UBAP2L: variants seen among roughly 807,000 people sequenced by gnomAD.
UBAP2L encodes ubiquitin-associated protein 2-like.
Under a neutral mutation model 130.6 loss-of-function variants are expected in UBAP2L, and 12 were observed. That is an observed-to-expected ratio of 0.09 (90% confidence interval 0.06 to 0.15). The LOEUF is 0.15. UBAP2L is among the 10% of genes least tolerant of loss of function. The pLI, the probability that UBAP2L is intolerant of heterozygous loss-of-function variation, is 1.00. For synonymous variants in UBAP2L, 503 were observed against 524.7 expected, an observed-to-expected ratio of 0.96 and a Z score of 0.57; for missense variants, 965 against 1,332.5, an observed-to-expected ratio of 0.72 and a Z score of 4.29.
chr1:154,229,940 C>A (rs183823770), intron 4 of UBAP2L, among the ~76,000 whole-genome samples: 9 of 152,170 alleles, frequency 5.9e-5, no homozygotes, highest in Non-Finnish European at 1.0e-4. Context: ...TCTGCAGCCT[C>A]CACCTCCCAG....
chr1:154,233,037 T>C (rs1472387028), intron 4 of UBAP2L, among the ~76,000 whole-genome samples: 4 of 151,318 alleles, frequency 2.6e-5, no homozygotes, highest in Non-Finnish European at 5.9e-5. Flanking sequence ...TTTTTTGAGA[T>C]GGAGACTCCT....
chr1:154,225,302 C>A (rs1429269114), intron 2 of UBAP2L, 89 bp downstream of exon 2: 2 of 1,448,914 alleles, frequency 1.4e-6, no homozygotes, highest in Non-Finnish European at 1.9e-6. Flanking sequence ...GTGCTTTGAA[C>A]TGTTGGTTTA....
Position 154,270,786 on chromosome 1 carries a change from T to TTTTTGTGTGTG in UBAP2L, c.*491_*492insTTTTGTGTGTG. 8.0e-7 allele frequency: 1 copy of TTTTTGTGTGTG among 1,249,170 alleles called. No homozygotes were observed. Among genetic ancestry groups the TTTTTGTGTGTG allele is most frequent in the Non-Finnish European group, 1.0e-6 (1 of 969,280 alleles). The allele number at this position is 1,249,170 out of a possible 1,614,324, so 77.4% of individuals were successfully genotyped here. ...TTTTTTTTTGTTTTTTTTTTTTTTT[T>TTTTTGTGTGTG]GTACTGTGTCCTCAAATTTAATGGA... On this transcript the variant is annotated 3_prime_UTR_variant, in exon 27 of 27. Coordinates refer to ENST00000428931, the MANE Select transcript of UBAP2L (RefSeq NM_014847.4).
intron 4 of UBAP2L, among the ~76,000 whole-genome samples, chr1:154,230,693 CA>C (rs1174452498): frequency 6.6e-6 from 1 of 152,048 alleles, no homozygotes; most frequent in Admixed American, 6.6e-5. Flanking sequence ...TATACAGTAT[CA>C]AAAAGGAAAA....
intron 2 of UBAP2L, among the ~76,000 whole-genome samples, chr1:154,225,761 A>T (rs1186333828): frequency 6.6e-6 from 1 of 152,086 alleles, no homozygotes; most frequent in Admixed American, 6.6e-5. Context: ...CCCTTCTCTT[A>T]CCTGGGCCAT....
rs1675438504 is a variant in UBAP2L, at chr1:154,246,208, G to A, written c.847G>A (p.Asp283Asn). 1 of 1,606,768 alleles carries A rather than the reference G, an allele frequency of 6.2e-7. No individual in the cohort carries two copies. Among genetic ancestry groups the A allele is most frequent in the Non-Finnish European group, 8.5e-7 (1 of 1,174,692 alleles). Reference sequence around the variant, plus strand: ...ATCCCTTCCCTTCCCCATTAGAATTGACCTTGCTGTTCTGCTGGGGAAGAC... The same window carrying A: ...ATCCCTTCCCTTCCCCATTAGAATTAACCTTGCTGTTCTGCTGGGGAAGAC... ...NVTITAGQRI[D>N]LAVLLGKTPS... Residue 283 changes from aspartate (D) to asparagine (N), a missense_variant, in exon 11 of 27, where the codon GAC becomes AAC. Transcript: ENST00000428931.
At chr1:154,254,582 T>TC in intron 15 of UBAP2L, 1 of 554,776 alleles carries the variant, frequency 1.8e-6, no homozygotes, top group Non-Finnish European at 3.1e-6. Flanking sequence ...TGGGGTGTCT[T>TC]CAACAATTTG....
intron 8 of UBAP2L, among the ~76,000 whole-genome samples, chr1:154,240,213 C>T (rs1039812065): frequency 2.6e-5 from 4 of 152,122 alleles, no homozygotes; most frequent in African/African-American, 7.2e-5. Flanking sequence ...CTTGTCCCTT[C>T]TTCAGACAGG....
intron 24 of UBAP2L, among the ~76,000 whole-genome samples, chr1:154,265,288 G>A (rs976049540): frequency 8.5e-5 from 13 of 152,118 alleles, no homozygotes; most frequent in Non-Finnish European, 1.8e-4. Context: ...GTGAATGGAG[G>A]ATTCCTTATT....
chr1:154,253,057 G>A (rs574997791), intron 14 of UBAP2L, among the ~76,000 whole-genome samples: 1 of 151,982 alleles, frequency 6.6e-6, no homozygotes, highest in Non-Finnish European at 1.5e-5. Flanking sequence ...AGGCTGGAGT[G>A]CAATGGCACG....
At chr1:154,257,744 C>T (rs2148972944) in intron 20 of UBAP2L, 1 of 370,168 alleles carries the variant, frequency 2.7e-6, no homozygotes, top group Admixed American at 4.4e-5. Context: ...GGTTTTTAAT[C>T]TTTGCAGTTT....
chr1:154,267,137 G>A (rs1430961129), intron 25 of UBAP2L, among the ~76,000 whole-genome samples: 1 of 145,664 alleles, frequency 6.9e-6, no homozygotes, highest in Non-Finnish European at 1.5e-5. Flanking sequence ...TATTTCTTTT[G>A]AAATATCCAA....
chr1:154,271,355 A>G (rs1053919339), downstream of UBAP2L: 1 of 187,544 alleles, frequency 5.3e-6, no homozygotes, highest in Middle Eastern at 2.3e-3. Flanking sequence ...AAGACTACAT[A>G]TTGGGTACAG....
intron 18 of UBAP2L, 21 bp from the exon 19 acceptor site, chr1:154,257,042 C>A: frequency 6.2e-7 from 1 of 1,607,026 alleles, no homozygotes; most frequent in South Asian, 1.1e-5. Context: ...CTTCTCTCTT[C>A]CACTGCTCCC....
chr1:154,255,333 T>C lies in UBAP2L; in HGVS notation c.2084+7T>C, dbSNP rs1679273172. ...CCACCACACAACACAGCAGGTGATT[T>C]GGGGTGAGGATGGAGGTTGGGGTTG... On this transcript the variant is annotated splice_region_variant and intron_variant, in intron 17 of 26. Coordinates refer to ENST00000428931, the MANE Select transcript of UBAP2L (RefSeq NM_014847.4). 2 of 1,613,298 alleles carry C rather than the reference T, an allele frequency of 1.2e-6. No individual in the cohort carries two copies. Among genetic ancestry groups the C allele is most frequent in the Non-Finnish European group, 1.7e-6 (2 of 1,179,674 alleles).
chr1:154,240,722 A>G lies in UBAP2L; in HGVS notation c.704-791A>G, dbSNP rs143273728. Among the ~76,000 whole-genome samples, 207 of 151,950 alleles carry G rather than the reference A, an allele frequency of 1.4e-3. 6 individuals carry two copies. Among genetic ancestry groups the G allele is most frequent in the Admixed American group, 0.012 (177 of 15,230 alleles). ...ACCCACCCTTCTTCACTGCTCTTTC[A>G]CTAACCATTATGTGGTAACCATTTG... is the stretch of plus-strand genomic sequence containing the variant. On this transcript the variant is annotated intron_variant, in intron 8 of 26. Coordinates refer to ENST00000428931, the MANE Select transcript of UBAP2L (RefSeq NM_014847.4).
At chr1:154,224,082 A>G (rs954392302) in intron 1 of UBAP2L, among the ~76,000 whole-genome samples, 2 of 152,210 alleles carry the variant, frequency 1.3e-5, no homozygotes, top group East Asian at 3.8e-4. Flanking sequence ...AACTAAAGGA[A>G]CTTGAATTCA....
chr1:154,258,934 T>A (rs376387286), intron 20 of UBAP2L, 43 bp from the exon 21 acceptor site: 20 of 1,572,566 alleles, frequency 1.3e-5, no homozygotes, highest in South Asian at 3.3e-5. Flanking sequence ...TTTGCTAACA[T>A]CATGACCAGT....
chr1:154,242,173 C>T (rs1409040205), intron 9 of UBAP2L, among the ~76,000 whole-genome samples: 1 of 152,172 alleles, frequency 6.6e-6, no homozygotes, highest in Admixed American at 6.5e-5. Flanking sequence ...TGAGTACTAC[C>T]TGAGTAAGAA....
Sources: allele counts gnomAD v4.1 joint callset (sites outside exome capture counted in the v4.1 genomes callset), GRCh38; gene constraint gnomAD v4.1.1; transcripts MANE v1.5; gene names NCBI Gene and HGNC (gene_info 2026-07-23, HGNC 2026-07-21).